Variants in SLAMF1 observed in about 807,000 individuals in gnomAD.
SLAMF1 encodes signaling lymphocytic activation molecule family member 1.
Under a neutral mutation model 35.1 loss-of-function variants are expected in SLAMF1, and 18 were observed. That is an observed-to-expected ratio of 0.51 (90% CI 0.35 to 0.76). The LOEUF is 0.76. Ranked by LOEUF, SLAMF1 falls within the 30% of genes least tolerant of loss-of-function variation. SLAMF1 has a pLI of 0.01. For synonymous variants in SLAMF1, 168 were observed against 157.2 expected (o/e 1.07, Z -0.51); for missense variants, 392 against 413.0 (o/e 0.95, Z 0.44).
At chr1:160,627,097 C>T (rs763972272) in intron 3 of SLAMF1, among the ~76,000 whole-genome samples, 2 of 152,190 alleles carry the variant, frequency 1.3e-5, no homozygotes, top group Non-Finnish European at 2.9e-5. Flanking sequence ...TAGATAAGTT[C>T]AAATTCTGGG....
Position 160,630,152 on chromosome 1 carries a change from T to G in SLAMF1, c.700+4461A>C, listed in dbSNP as rs115937247. Among the ~76,000 whole-genome samples the G allele has an allele frequency of 4.3e-3, 655 of 152,238 alleles. 8 individuals carry two copies. Among genetic ancestry groups the G allele is most frequent in the African/African-American group, 0.015 (610 of 41,554 alleles). On this transcript the variant is annotated intron_variant, in intron 3 of 6. Transcript: ENST00000302035. ...CAGCCATATCTATTTCAGAATACAG[T>G]CATCGAGGATGGCAGCAAGTCACAC...
At chr1:160,645,801 C>G (rs1661012488) in intron 1 of SLAMF1, among the ~76,000 whole-genome samples, 1 of 152,156 alleles carries the variant, frequency 6.6e-6, no homozygotes, top group Non-Finnish European at 1.5e-5. Context: ...GTCTGGCTGT[C>G]TGGTAAAAGA....
chr1:160,620,422 A>G (rs1478978259), intron 4 of SLAMF1, among the ~76,000 whole-genome samples: 1 of 152,292 alleles, frequency 6.6e-6, no homozygotes, highest in East Asian at 1.9e-4. Context: ...AAATAAAGCA[A>G]CAATGTCATT....
Position 160,635,011 on chromosome 1 carries a change from G to A in SLAMF1, c.416-114C>T, listed in dbSNP as rs1571001626. ...AATGGCATTTTCCCTCCCCCTCAAT[G>A]TGATTTATTTCTAGTGGGGAATCTA... On this transcript the variant is annotated intron_variant, in intron 2 of 6. Transcript: ENST00000302035. The A allele has an allele frequency of 9.0e-6, 8 of 888,454 alleles. No homozygotes were observed. In the East Asian group the frequency reaches 1.5e-4, roughly 17 times the overall value. 55.0% of individuals were successfully genotyped at this position (888,454 alleles called of 1,614,324 possible).
In SLAMF1 at chr1:160,624,197, A is replaced by G. The variant is rs761275084; in HGVS notation, c.701-12T>C. ...CCATGGTTTTGTTTCTGGAAAAAAA[A>G]AGAAGTCAAAGAGCAATCTCAAAAG... On this transcript the variant is annotated splice_polypyrimidine_tract_variant and intron_variant, in intron 3 of 6. Coordinates refer to ENST00000302035, the MANE Select transcript of SLAMF1 (RefSeq NM_003037.5). The G allele has an allele frequency of 6.3e-6, 10 of 1,576,658 alleles. No homozygotes were observed. Among genetic ancestry groups the G allele is most frequent in the African/African-American group, 1.4e-5 (1 of 73,686 alleles).
Position 160,608,975 on chromosome 1 carries a change from A to C in SLAMF1, c.*1773T>G, listed in dbSNP as rs537784177. On this transcript the variant is annotated 3_prime_UTR_variant, in exon 7 of 7. Coordinates refer to ENST00000302035, the MANE Select transcript of SLAMF1 (RefSeq NM_003037.5). ...CCCCCCTTGGAGATAGGACATGGAC[A>C]TGTGACCTAGGATTGGCCACTCAAT... is the stretch of plus-strand genomic sequence containing the variant. 1.3e-5 allele frequency: 2 copies of C among 152,348 alleles called. No individual in the cohort carries two copies. Among genetic ancestry groups the C allele is most frequent in the East Asian group, 3.9e-4 (2 of 5,188 alleles). 9.4% of individuals were successfully genotyped at this position (152,348 alleles called of 1,614,324 possible).
chr1:160,636,568 G>T (rs958750816), intron 2 of SLAMF1, among the ~76,000 whole-genome samples: 1 of 152,196 alleles, frequency 6.6e-6, no homozygotes, highest in African/African-American at 2.4e-5. Context: ...GATTCAGGTG[G>T]ACTTGGTTCC....
At chr1:160,617,218 G>C (rs1659349895) in intron 5 of SLAMF1, among the ~76,000 whole-genome samples, 1 of 151,992 alleles carries the variant, frequency 6.6e-6, no homozygotes, top group Non-Finnish European at 1.5e-5. Context: ...TGATAGAAAA[G>C]TAAATGGATA....
chr1:160,612,808 C>T (rs535401973), intron 5 of SLAMF1, among the ~76,000 whole-genome samples: 73 of 152,290 alleles, frequency 4.8e-4, no homozygotes, highest in African/African-American at 1.7e-3. Flanking sequence ...CACAACCTCC[C>T]AAGGCAGCCT....
intron 1 of SLAMF1, among the ~76,000 whole-genome samples, chr1:160,644,524 C>T (rs1052882132): frequency 2.0e-5 from 3 of 152,204 alleles, no homozygotes; most frequent in Admixed American, 6.5e-5. Context: ...TATTTGTGGA[C>T]AGGCTCTCAG....
chr1:160,633,883 A>T (rs978871182), intron 3 of SLAMF1, among the ~76,000 whole-genome samples: 1 of 152,236 alleles, frequency 6.6e-6, no homozygotes, highest in Non-Finnish European at 1.5e-5. Flanking sequence ...TATGAACGTC[A>T]ATTTCCTCAT....
chr1:160,642,329 C>T lies in SLAMF1; in HGVS notation c.76+4541G>A, dbSNP rs1660793726. Among the ~76,000 whole-genome samples, 1 of 152,182 alleles carries T rather than the reference C, an allele frequency of 6.6e-6. No homozygotes were observed. The highest frequency in any genetic ancestry group is 1.5e-5 in the Non-Finnish European group (1 of 68,044). ...CTTTATTTGCCTAGCTAACAACTTC[C>T]ATCTTTCTGGTCTCCATTTTGACAT... On this transcript the variant is annotated intron_variant, in intron 1 of 6. Transcript: ENST00000302035. The surrounding 1 kb of genome is among the most constrained non-coding windows in gnomAD (Gnocchi z 4.2).
chr1:160,620,485 A>C (rs1659548457), intron 4 of SLAMF1, among the ~76,000 whole-genome samples: 1 of 152,218 alleles, frequency 6.6e-6, no homozygotes, highest in Non-Finnish European at 1.5e-5. Context: ...TCTGGAAATT[A>C]ATAAGTTGCA....
intron 1 of SLAMF1, among the ~76,000 whole-genome samples, chr1:160,646,108 CA>C (rs1280729924): frequency 2.0e-5 from 3 of 152,200 alleles, no homozygotes; most frequent in African/African-American, 7.2e-5. Context: ...AAACAGAAAG[CA>C]ATAGCCTGCC....
chr1:160,624,046 T>C, intron 4 of SLAMF1, 50 bp downstream of exon 4: 1 of 1,340,158 alleles, frequency 7.5e-7, no homozygotes, highest in Non-Finnish European at 1.1e-6. Flanking sequence ...AGAGGTCCCC[T>C]GCTTACCACA....
intron 1 of SLAMF1, among the ~76,000 whole-genome samples, chr1:160,640,325 C>CATATATAT (rs56785818): frequency 0.089 from 8,293 of 93,456 alleles, 466 homozygotes; most frequent in Middle Eastern, 0.17. Flanking sequence ...TTAGGTTTGT[C>CATATATAT]ATATATATAT....
intron 1 of SLAMF1, among the ~76,000 whole-genome samples, chr1:160,641,243 G>A (rs540496976): frequency 6.6e-6 from 1 of 152,186 alleles, no homozygotes; most frequent in East Asian, 1.9e-4. Flanking sequence ...AAAATTGCTA[G>A]CGTAGTGTTG....
chr1:160,620,183 A>C lies in SLAMF1; in HGVS notation c.791-334T>G, dbSNP rs530457687. On this transcript the variant is annotated intron_variant, in intron 4 of 6. Coordinates refer to ENST00000302035, the MANE Select transcript of SLAMF1 (RefSeq NM_003037.5). Reference sequence around the variant, plus strand: ...TAGGTGTTTTTCTCATTGGTGTACCATTCAATTACTTTAATCTCTGTTGCT... The same window carrying C: ...TAGGTGTTTTTCTCATTGGTGTACCCTTCAATTACTTTAATCTCTGTTGCT... 5.3e-5 allele frequency among the ~76,000 whole-genome samples: 8 copies of C among 152,344 alleles called. No individual in the cohort carries two copies. The South Asian group carries it at 1.7e-3, about 32-fold the overall frequency.
chr1:160,644,864 C>T (rs1304829579), intron 1 of SLAMF1, among the ~76,000 whole-genome samples: 2 of 152,052 alleles, frequency 1.3e-5, no homozygotes, highest in African/African-American at 4.8e-5. Context: ...CCTCACCTTC[C>T]CCCAAAGTGT....
Sources: gnomAD v4.1 joint callset for allele counts (sites outside exome capture counted in the v4.1 genomes callset) on GRCh38, gnomAD v4.1.1 for gene constraint, Gnocchi (gnomAD v3.1) non-coding constraint, MANE v1.5 for transcripts, NCBI Gene and HGNC (gene_info 2026-07-23, HGNC 2026-07-21) for gene names.